CAPZB: variants seen among roughly 807,000 people sequenced by gnomAD.
CAPZB encodes capping actin protein of muscle Z-line subunit beta.
A neutral mutation model predicts 38.1 loss-of-function variants in CAPZB; 2 were observed. That is an observed-to-expected ratio of 0.05 (90% confidence interval 0.02 to 0.17). The LOEUF (loss-of-function observed/expected upper bound fraction) is 0.17, where lower values mean the gene tolerates loss of function less well. CAPZB is among the 10% of genes least tolerant of loss of function. CAPZB has a pLI of 1.00. For synonymous variants in CAPZB, 107 were observed against 127.4 expected, an observed-to-expected ratio of 0.84 and a Z score of 1.08; for missense variants, 161 against 334.2, an observed-to-expected ratio of 0.48 and a Z score of 4.04.
At chr1:19,412,522 A>C (rs2094361606) in intron 2 of CAPZB, among the ~76,000 whole-genome samples, 1 of 152,164 alleles carries the variant, frequency 6.6e-6, no homozygotes, top group Non-Finnish European at 1.5e-5. Context: ...GGTTCAAGCG[A>C]TCCTTCCACC....
chr1:19,344,306 G>C (rs937169825), intron 8 of CAPZB, 52 bp downstream of exon 8: 1 of 1,456,776 alleles, frequency 6.9e-7, no homozygotes, highest in African/African-American at 1.4e-5. Context: ...GGCAGAGCCA[G>C]GGTTCAAATC....
chr1:19,372,001 C>G (rs1433707450), intron 4 of CAPZB, among the ~76,000 whole-genome samples: 4 of 152,266 alleles, frequency 2.6e-5, no homozygotes, highest in Admixed American at 2.6e-4. Context: ...CACCCAGCTC[C>G]TGGCTGCTCC....
chr1:19,405,752 G>C (rs776188034), intron 2 of CAPZB, among the ~76,000 whole-genome samples: 1 of 152,120 alleles, frequency 6.6e-6, no homozygotes, highest in Non-Finnish European at 1.5e-5. Flanking sequence ...ATCTCTTTTC[G>C]GAGGGGCCGG....
chr1:19,361,547 C>T (rs1197089442), intron 4 of CAPZB, among the ~76,000 whole-genome samples: 3 of 152,188 alleles, frequency 2.0e-5, no homozygotes, highest in African/African-American at 4.8e-5. Flanking sequence ...CTGCAGGGCG[C>T]ACAGACAGCG....
chr1:19,402,771 G>A (rs1314790987), intron 2 of CAPZB, among the ~76,000 whole-genome samples: 2 of 152,106 alleles, frequency 1.3e-5, no homozygotes, highest in Admixed American at 6.5e-5. Context: ...ATTCTGGCTG[G>A]GAGCGGTGGC....
At chr1:19,359,082 G>A (rs942886453) in intron 4 of CAPZB, among the ~76,000 whole-genome samples, 10 of 151,916 alleles carry the variant, frequency 6.6e-5, no homozygotes, top group Non-Finnish European at 1.0e-4. Context: ...CCTGCCAAAC[G>A]GTTAATGTAA....
intron 3 of CAPZB, among the ~76,000 whole-genome samples, chr1:19,383,274 T>TG (rs2094185461): frequency 1.3e-5 from 2 of 151,974 alleles, no homozygotes; most frequent in African/African-American, 4.8e-5. Context: ...GGTGAAACCC[T>TG]GTCTGCACTG....
chr1:19,384,122 C>T (rs1470233486), intron 3 of CAPZB, among the ~76,000 whole-genome samples: 2 of 152,220 alleles, frequency 1.3e-5, no homozygotes, highest in South Asian at 2.1e-4. Flanking sequence ...CAACATTTCA[C>T]GTGTGTTACT....
intron 3 of CAPZB, among the ~76,000 whole-genome samples, chr1:19,383,009 T>TG (rs148801512): frequency 0.018 from 2,672 of 151,288 alleles, 78 homozygotes; most frequent in African/African-American, 0.061. Context: ...CTGGGCAATG[T>TG]GGCTCACACC....
rs538941963 is a variant in CAPZB, at chr1:19,453,923, T to C, written c.3+31513A>G. On this transcript the variant is annotated intron_variant, in intron 1 of 8. Coordinates refer to ENST00000264202, the MANE Select transcript of CAPZB (RefSeq NM_004930.5). ...CCTACTGCCATTTTACAGATGAAAA[T>C]GAGGAACAAAGAAGCTAAGGACTGG... Among the ~76,000 whole-genome samples the C allele has an allele frequency of 5.0e-5, 7 of 140,538 alleles. No individual in the cohort carries two copies. The East Asian group carries it at 1.5e-3, about 29-fold the overall frequency. The allele number at this position is 140,538 out of a possible 152,430, so 92.2% of individuals were successfully genotyped here. A position where few individuals can be genotyped will look rare whatever the true frequency, so the allele number is the denominator to read the frequency against.
At chr1:19,483,794 T>C (rs1425393008) in intron 1 of CAPZB, among the ~76,000 whole-genome samples, 1 of 152,048 alleles carries the variant, frequency 6.6e-6, no homozygotes, top group Admixed American at 6.5e-5. Context: ...ACTGGACAAA[T>C]CCGAAGGCCT....
chr1:19,418,658 T>A (rs2094390194), intron 2 of CAPZB, among the ~76,000 whole-genome samples: 1 of 152,200 alleles, frequency 6.6e-6, no homozygotes, highest in Non-Finnish European at 1.5e-5. Flanking sequence ...GGAGTTTGCA[T>A]CCCTATAAAT....
At chr1:19,341,722 A>G (rs2093930120) in intron 8 of CAPZB, among the ~76,000 whole-genome samples, 1 of 152,242 alleles carries the variant, frequency 6.6e-6, no homozygotes, top group Non-Finnish European at 1.5e-5. Flanking sequence ...TCTCAATGCC[A>G]TGATGGAAAT....
chr1:19,474,967 G>C (rs2094601932), intron 1 of CAPZB, among the ~76,000 whole-genome samples: 1 of 152,176 alleles, frequency 6.6e-6, no homozygotes, highest in Non-Finnish European at 1.5e-5. Context: ...GCCCAGAACT[G>C]ACAAGGACCT....
intron 4 of CAPZB, among the ~76,000 whole-genome samples, chr1:19,367,839 G>A (rs1424089133): frequency 6.6e-6 from 1 of 152,188 alleles, no homozygotes; most frequent in African/African-American, 2.4e-5. Flanking sequence ...AGGCCTCTCT[G>A]GAAACAATGG....
intron 2 of CAPZB, among the ~76,000 whole-genome samples, chr1:19,400,380 T>C (rs1270174930): frequency 1.3e-5 from 2 of 152,238 alleles, no homozygotes; most frequent in Non-Finnish European, 2.9e-5. Flanking sequence ...TCCTGGCCTA[T>C]TTCAAACATC....
At chr1:19,421,273 G>C (rs2100517715) in intron 1 of CAPZB, among the ~76,000 whole-genome samples, 1 of 152,332 alleles carries the variant, frequency 6.6e-6, no homozygotes. Flanking sequence ...CCACAAGTAG[G>C]CCGTGGGGCA....
At chr1:19,457,656 TG>T (rs1241958268) in intron 1 of CAPZB, among the ~76,000 whole-genome samples, 7 of 152,208 alleles carry the variant, frequency 4.6e-5, no homozygotes, top group African/African-American at 7.2e-5. Context: ...AAGCGCCCAG[TG>T]TTAACAAAGA....
chr1:19,441,102 C>T (rs1043759290), intron 1 of CAPZB, among the ~76,000 whole-genome samples: 16 of 152,214 alleles, frequency 1.1e-4, no homozygotes, highest in African/African-American at 3.9e-4. Context: ...GTTATAGCTG[C>T]TAAAACCTTA....
Sources: gnomAD v4.1 joint callset for allele counts (sites outside exome capture counted in the v4.1 genomes callset) on GRCh38, gnomAD v4.1.1 for gene constraint, MANE v1.5 for transcripts, NCBI Gene and HGNC (gene_info 2026-07-23, HGNC 2026-07-21) for gene names.